The following CDH23 variants were observed in gnomAD, a reference collection of about 807,000 sequenced individuals.
The protein encoded by CDH23 is cadherin related 23, also known as cadherin-23.
CDH23 carries 189 observed loss-of-function variants against 317.1 expected under a neutral mutation model. The observed-to-expected ratio is 0.60, with a 90% CI of 0.53 to 0.67. The LOEUF is 0.67. Among genes scored for constraint, CDH23 ranks in the 30% least tolerant of loss-of-function variants. The pLI is 0.00. For missense variants in CDH23, 4,401 were observed against 4,592.4 expected (o/e 0.96, Z 1.20); for synonymous variants, 1,839 against 1,876.8 (o/e 0.98, Z 0.52).
At chr10:71,639,234 G>A (rs1862419213) in intron 11 of CDH23, among the ~76,000 whole-genome samples, 1 of 152,136 alleles carries the variant, frequency 6.6e-6, no homozygotes, top group Non-Finnish European at 1.5e-5. Flanking sequence ...ACACACTAGG[G>A]CTCCTTTTGA....
At chr10:71,606,446 T>C (rs1374423025) in intron 9 of CDH23, among the ~76,000 whole-genome samples, 1 of 152,248 alleles carries the variant, frequency 6.6e-6, no homozygotes, top group Non-Finnish European at 1.5e-5. Flanking sequence ...GGTGTCTTTA[T>C]GATGTGTGAC....
intron 6 of CDH23, among the ~76,000 whole-genome samples, chr10:71,521,848 C>T (rs1468337006): frequency 6.6e-6 from 1 of 152,244 alleles, no homozygotes; most frequent in Non-Finnish European, 1.5e-5. Context: ...CCCAGGTGGG[C>T]CCTCTGCCTC....
intron 8 of CDH23, 109 bp downstream of exon 8, chr10:71,571,027 T>C: frequency 8.0e-7 from 1 of 1,254,606 alleles, no homozygotes; most frequent in Non-Finnish European, 1.1e-6. Flanking sequence ...CCTTGGCTCC[T>C]CCGCAGTCCC....
At chr10:71,760,002 CATAT>C (rs199501498) in intron 38 of CDH23, among the ~76,000 whole-genome samples, 1 of 52,690 alleles carries the variant, frequency 1.9e-5, no homozygotes, top group Non-Finnish European at 4.9e-5. Context: ...CACACACATA[CATAT>C]ATATACACAC....
At chr10:71,811,626 C>A in intron 64 of CDH23, 36 bp downstream of exon 64, 1 of 1,613,786 alleles carries the variant, frequency 6.2e-7, no homozygotes, top group East Asian at 2.2e-5. Context: ...AGGGGGCCGA[C>A]CACCTGCTCC....
intron 3 of CDH23, among the ~76,000 whole-genome samples, chr10:71,472,765 C>G (rs1304037149): frequency 6.6e-6 from 1 of 152,214 alleles, no homozygotes; most frequent in Non-Finnish European, 1.5e-5. Context: ...CTCCTGTGCT[C>G]TGTGCATGGC....
At chr10:71,656,975 A>G (rs1349800025) in intron 14 of CDH23, among the ~76,000 whole-genome samples, 2 of 152,194 alleles carry the variant, frequency 1.3e-5, no homozygotes, top group Non-Finnish European at 2.9e-5. Flanking sequence ...AGGCTACTGC[A>G]AGAAGCAGGG....
At chr10:71,778,965 A>G (rs1263330843) in intron 40 of CDH23, among the ~76,000 whole-genome samples, 3 of 152,140 alleles carry the variant, frequency 2.0e-5, no homozygotes, top group African/African-American at 4.8e-5. Flanking sequence ...GGGTCTTGCT[A>G]TATTGCCCAG....
In CDH23 at chr10:71,398,428, A is replaced by AGTGTGTGTGTGTGTGT. The variant is rs143519061; in HGVS notation, c.-6+1143_-6+1158dup. Among the ~76,000 whole-genome samples, 79 of 120,240 alleles carry AGTGTGTGTGTGTGTGT rather than the reference A, an allele frequency of 6.6e-4. 1 individual carries two copies. Among genetic ancestry groups the AGTGTGTGTGTGTGTGT allele is most frequent in the Non-Finnish European group, 8.3e-4 (48 of 57,794 alleles). 78.9% of individuals were successfully genotyped at this position (120,240 alleles called of 152,430 possible). A position where few individuals can be genotyped will look rare whatever the true frequency, so the allele number is the denominator to read the frequency against. The stretch of plus-strand genomic sequence containing the variant: ...TTGAAATAAGCTAGAGAGACACAGG[A>AGTGTGTGTGTGTGTGT]GTGTGTGTGTGTGTGTGTGTGTGTG... On this transcript the variant is annotated intron_variant, in intron 1 of 69. Transcript: ENST00000224721.
At chr10:71,437,803 C>A (rs981001200) in intron 1 of CDH23, among the ~76,000 whole-genome samples, 1 of 152,218 alleles carries the variant, frequency 6.6e-6, no homozygotes, top group Non-Finnish European at 1.5e-5. Flanking sequence ...GGCCCACATT[C>A]CCTCTTGGCT....
chr10:71,488,692 C>A (rs1852483920), intron 3 of CDH23, among the ~76,000 whole-genome samples: 1 of 152,214 alleles, frequency 6.6e-6, no homozygotes, highest in African/African-American at 2.4e-5. Flanking sequence ...AGAAAGCTCC[C>A]TGCCTTAAAC....
At chr10:71,511,304 A>G (rs974606270) in intron 6 of CDH23, 92 bp downstream of exon 6, 16 of 1,182,968 alleles carry the variant, frequency 1.4e-5, no homozygotes, top group African/African-American at 9.1e-5. Flanking sequence ...TGGGGAGAGC[A>G]GCTGTGGCTC....
At chr10:71,545,332 G>A (rs989372182) in intron 6 of CDH23, among the ~76,000 whole-genome samples, 4 of 152,094 alleles carry the variant, frequency 2.6e-5, no homozygotes, top group Admixed American at 6.5e-5. Context: ...CCATTAGACC[G>A]TTCTCATCCA....
rs77020978 is a variant in CDH23, at chr10:71,763,966, A to C, written c.4846-13714A>C. 5.5e-3 allele frequency among the ~76,000 whole-genome samples: 833 copies of C among 152,332 alleles called. 8 individuals are homozygous for C. Among genetic ancestry groups the C allele is most frequent in the African/African-American group, 0.019 (788 of 41,564 alleles). Reference sequence around the variant, plus strand: ...CCAAAGCCCCAAACGGCATGTCTGCAAGAGTGGAGTTTTAGGCAGAGAGCC... The same window carrying C: ...CCAAAGCCCCAAACGGCATGTCTGCCAGAGTGGAGTTTTAGGCAGAGAGCC... On this transcript the variant is annotated intron_variant, in intron 38 of 69. Transcript: ENST00000224721.
intron 40 of CDH23, among the ~76,000 whole-genome samples, chr10:71,778,796 T>C (rs1329206583): frequency 6.6e-6 from 1 of 152,182 alleles, no homozygotes; most frequent in Non-Finnish European, 1.5e-5. Flanking sequence ...CACTCTATCA[T>C]CCAGGCTGGA....
At chr10:71,527,711 C>G in intron 6 of CDH23, among the ~76,000 whole-genome samples, 1 of 152,206 alleles carries the variant, frequency 6.6e-6, no homozygotes, top group East Asian at 1.9e-4. Context: ...AATTCTGACC[C>G]TGTGCAAGTG....
intron 12 of CDH23, chr10:71,645,553 G>T: frequency 1.6e-6 from 1 of 613,936 alleles, no homozygotes; most frequent in Admixed American, 2.1e-5. Context: ...GCAGGAAATG[G>T]AGAGTGAACC....
intron 3 of CDH23, among the ~76,000 whole-genome samples, chr10:71,490,908 G>A (rs1445564173): frequency 6.6e-6 from 1 of 152,124 alleles, no homozygotes. Flanking sequence ...TGAAACACAA[G>A]CAAATCTAGC....
rs548782642 is a variant in CDH23, at chr10:71,531,860, T to A, written c.429+20648T>A. 2.0e-5 allele frequency among the ~76,000 whole-genome samples: 3 copies of A among 152,302 alleles called. No homozygotes were observed. The East Asian group carries it at 5.8e-4, about 29-fold the overall frequency. Reference sequence around the variant, plus strand: ...TCTTTATACCTTTGGTCTCTGAATGTGTGATTCAGAGCCAAAGAGGGGAAC... The same window carrying A: ...TCTTTATACCTTTGGTCTCTGAATGAGTGATTCAGAGCCAAAGAGGGGAAC... On this transcript the variant is annotated intron_variant, in intron 6 of 69. Coordinates refer to ENST00000224721, the MANE Select transcript of CDH23 (RefSeq NM_022124.6).
Sources: allele counts gnomAD v4.1 joint callset (sites outside exome capture counted in the v4.1 genomes callset), GRCh38; gene constraint gnomAD v4.1.1; transcripts MANE v1.5; gene names NCBI Gene and HGNC (gene_info 2026-07-23, HGNC 2026-07-21).